Variants in IL21R observed in about 807,000 individuals in gnomAD.
IL21R encodes the protein interleukin-21 receptor.
Under a neutral mutation model 41.3 loss-of-function variants are expected in IL21R, and 14 were observed. That is an observed-to-expected ratio of 0.34 (90% confidence interval 0.22 to 0.53). The LOEUF is 0.53. Among genes scored for constraint, IL21R ranks in the 20% least tolerant of loss-of-function variants. IL21R has a pLI of 0.94. For missense variants in IL21R, 588 were observed against 681.6 expected (o/e 0.86, Z 1.53); for synonymous variants, 286 against 287.6 (o/e 0.99, Z 0.05).
intron 1 of IL21R, among the ~76,000 whole-genome samples, chr16:27,420,845 C>T (rs115073362): frequency 6.6e-6 from 1 of 152,122 alleles, no homozygotes; most frequent in African/African-American, 2.4e-5. Flanking sequence ...TCTTTGTTTA[C>T]TTATGCTTTT....
At position 27,448,947 on chromosome 16, in the gene IL21R, C is replaced by T. The variant is rs761294643; in HGVS notation, c.1281C>T (p.Ser427=). The change falls in exon 9 of 9, where the codon TCC becomes TCT. Residue 427 remains serine (S), a synonymous_variant. Transcript: ENST00000337929. The part of the protein sequence containing the change: ...PLLDAGTTVL[S]CGCVSAGSPG... ...TGGATGCAGGGACCACAGTCCTGTC[C>T]TGTGGCTGTGTCTCAGCTGGCAGCC... 6.2e-7 allele frequency: 1 copy of T among 1,613,316 alleles called. No individual in the cohort carries two copies. Among genetic ancestry groups the T allele is most frequent in the South Asian group, 1.1e-5 (1 of 91,044 alleles).
At chr16:27,440,246 TATAGAGAGAGAG>T (rs2087359084) in intron 4 of IL21R, among the ~76,000 whole-genome samples, 1 of 78,626 alleles carries the variant, frequency 1.3e-5, no homozygotes, top group South Asian at 3.6e-4. Flanking sequence ...TATATATATA[TATAGAGAGAGAG>T]AGAGAGAGAG....
At chr16:27,432,546 G>T (rs2087193012) in intron 2 of IL21R, among the ~76,000 whole-genome samples, 1 of 152,124 alleles carries the variant, frequency 6.6e-6, no homozygotes, top group South Asian at 2.1e-4. Flanking sequence ...CTGTCCCTTG[G>T]TAGCTTTGAG....
intron 1 of IL21R, chr16:27,403,369 C>T (rs908384196): frequency 3.4e-5 from 24 of 698,508 alleles, no homozygotes; most frequent in South Asian, 1.6e-4. Flanking sequence ...GCAGGAATGA[C>T]GTCTCTGCTC....
chr16:27,418,395 G>A, intron 1 of IL21R, among the ~76,000 whole-genome samples: 1 of 150,706 alleles, frequency 6.6e-6, no homozygotes, highest in Non-Finnish European at 1.5e-5. Context: ...TTGAGACAGA[G>A]TCTCACTCTA....
intron 1 of IL21R, among the ~76,000 whole-genome samples, chr16:27,410,703 C>A (rs2086810635): frequency 6.6e-6 from 1 of 152,132 alleles, no homozygotes; most frequent in Non-Finnish European, 1.5e-5. Context: ...TTACCCTTAA[C>A]AATTTTTAGA....
chr16:27,444,545 C>A lies in IL21R; in HGVS notation c.511C>A (p.Pro171Thr). The A allele has an allele frequency of 6.6e-7, 1 of 1,504,018 alleles. No individual in the cohort carries two copies. 93.2% of individuals were successfully genotyped at this position (1,504,018 alleles called of 1,614,324 possible). ...RNRGDPWAVS[P>T]RRKLISVDSR... ...CATCCTTTCCTTGTACTGGCAGAGT[C>A]CGAGGAGAAAGCTGATCTCAGTGGA... The change falls in exon 6 of 9, where the codon CCG becomes ACG. Residue 171 changes from proline (P) to threonine (T), a missense_variant. Coordinates refer to ENST00000337929, the MANE Select transcript of IL21R (RefSeq NM_181078.3).
rs2087528331 is a variant in IL21R, at chr16:27,448,632, A to ACGGAGCCCGGCCAAGAGGCTGCAGCT, written c.968_993dup (p.Thr332GlyfsTer57). On this transcript the variant is annotated frameshift_variant, in exon 9 of 9. Coordinates refer to ENST00000337929, the MANE Select transcript of IL21R (RefSeq NM_181078.3). LOFTEE classifies it low-confidence loss of function (END_TRUNC). ...TGGAGGTGTACAGCTGCCACCCACC[A>ACGGAGCCCGGCCAAGAGGCTGCAGCT]CGGAGCCCGGCCAAGAGGCTGCAGC... 1 of 1,613,002 alleles carries ACGGAGCCCGGCCAAGAGGCTGCAGCT rather than the reference A, an allele frequency of 6.2e-7. No homozygotes were observed. Among genetic ancestry groups the ACGGAGCCCGGCCAAGAGGCTGCAGCT allele is most frequent in the Non-Finnish European group, 8.5e-7 (1 of 1,180,016 alleles).
chr16:27,445,139 G>A (rs1156234725), intron 6 of IL21R, 38 bp from the exon 7 acceptor site: 2 of 1,471,976 alleles, frequency 1.4e-6, no homozygotes, highest in Admixed American at 1.7e-5. Context: ...CTCTGGTAGA[G>A]TTGGTGCCAT....
chr16:27,410,478 C>A (rs1391866667), intron 1 of IL21R, among the ~76,000 whole-genome samples: 1 of 152,066 alleles, frequency 6.6e-6, no homozygotes, highest in African/African-American at 2.4e-5. Context: ...TACTTTACAA[C>A]TTTATTAACA....
At chr16:27,444,259 C>T (rs571472650) in intron 5 of IL21R, among the ~76,000 whole-genome samples, 2 of 152,102 alleles carry the variant, frequency 1.3e-5, no homozygotes, top group South Asian at 2.1e-4. Flanking sequence ...CTGAGATATG[C>T]CCAGTCCTGC....
At chr16:27,418,431 C>T (rs148318271) in intron 1 of IL21R, among the ~76,000 whole-genome samples, 5,658 of 148,158 alleles carry the variant, frequency 0.038, 185 homozygotes, top group East Asian at 0.19. Flanking sequence ...TGCAGTGTCG[C>T]GATCTCAGCT....
intron 2 of IL21R, among the ~76,000 whole-genome samples, chr16:27,431,374 A>G (rs1256649083): frequency 6.6e-6 from 1 of 152,126 alleles, no homozygotes; most frequent in African/African-American, 2.4e-5. Context: ...CCACTGTCCC[A>G]ACAGCCCCAC....
At position 27,442,970 on chromosome 16, in the gene IL21R, G is replaced by A; in HGVS notation, c.361G>A (p.Ala121Thr). 2 of 1,582,936 alleles carry A rather than the reference G, an allele frequency of 1.3e-6. No individual in the cohort carries two copies. Among genetic ancestry groups the A allele is most frequent in the Non-Finnish European group, 1.7e-6 (2 of 1,164,452 alleles). The part of the protein sequence containing the change: ...SFLLAESIKP[A>T]PPFNVTVTFS... ...TGGGTTTTTCCACCAAGTCAAGCCGGCTCCCCCTTTCAACGTGACTGTGAC... is the reference window on the plus strand; with the variant it reads ...TGGGTTTTTCCACCAAGTCAAGCCGACTCCCCCTTTCAACGTGACTGTGAC... The change falls in exon 5 of 9, where the codon GCT becomes ACT. Residue 121 changes from alanine (A) to threonine (T), a missense_variant. Transcript: ENST00000337929.
intron 6 of IL21R, 32 bp downstream of exon 6, chr16:27,444,751 C>A (rs948350448): frequency 1.4e-6 from 2 of 1,465,294 alleles, no homozygotes; most frequent in South Asian, 1.5e-5. Flanking sequence ...ACACCCCACT[C>A]CTGGTATCAA....
At chr16:27,442,747 G>C in intron 4 of IL21R, 3 of 452,194 alleles carry the variant, frequency 6.6e-6, no homozygotes, top group Non-Finnish European at 1.2e-5. Flanking sequence ...TCCTGATCAG[G>C]TCTAAATCTC....
In IL21R at chr16:27,437,683, G is replaced by A. The variant is rs752444834; in HGVS notation, c.348G>A (p.Glu116=). The part of the protein sequence containing the change: ...SQECGSFLLA[E]SIKPAPPFNV... The stretch of plus-strand genomic sequence containing the variant: ...AGTGTGGCAGCTTTCTCCTGGCTGA[G>A]AGCAGTGAGTATCCTGGGACCCCAG... The change falls in exon 4 of 9, where the codon GAG becomes GAA. Residue 116 remains glutamate (E), a synonymous_variant. Coordinates refer to ENST00000337929, the MANE Select transcript of IL21R (RefSeq NM_181078.3). The A allele has an allele frequency of 2.5e-5, 40 of 1,613,570 alleles. No individual in the cohort carries two copies. Among genetic ancestry groups the A allele is most frequent in the Non-Finnish European group, 3.4e-5 (40 of 1,179,668 alleles).
Position 27,430,755 on chromosome 16 carries a change from CA to C in IL21R, c.49+636del, listed in dbSNP as rs3093306. The stretch of plus-strand genomic sequence containing the variant: ...GCTTGAGCCTGGGAGGTGGAGGTTA[CA>C]GTGAGTCAAGGTGACAACTGTACTC... On this transcript the variant is annotated intron_variant, in intron 2 of 8. Coordinates refer to ENST00000337929, the MANE Select transcript of IL21R (RefSeq NM_181078.3). 5.2e-3 allele frequency among the ~76,000 whole-genome samples: 794 copies of C among 152,194 alleles called. 11 individuals carry two copies. Among genetic ancestry groups the C allele is most frequent in the African/African-American group, 0.018 (764 of 41,522 alleles).
At chr16:27,445,802 G>A (rs549383348) in intron 7 of IL21R, among the ~76,000 whole-genome samples, 1 of 152,284 alleles carries the variant, frequency 6.6e-6, no homozygotes, top group East Asian at 1.9e-4. Flanking sequence ...ACATAACCAC[G>A]ATATCCCTTC....
Sources: gnomAD v4.1 joint callset for allele counts (sites outside exome capture counted in the v4.1 genomes callset) on GRCh38, gnomAD v4.1.1 for gene constraint, MANE v1.5 for transcripts, NCBI Gene and HGNC (gene_info 2026-07-23, HGNC 2026-07-21) for gene names.